The following MBP variants were observed in gnomAD, a reference collection of about 807,000 sequenced individuals.
The protein encoded by MBP is Golli-MBP.
In MBP, 16 loss-of-function variants were observed where a neutral mutation model predicts 35.8. The ratio of observed to expected loss-of-function variants is 0.45; its 90% CI spans 0.30 to 0.68. The LOEUF is 0.68. Ranked by LOEUF, MBP falls within the 30% of genes least tolerant of loss-of-function variation. MBP has a pLI of 0.08. For missense variants in MBP, 380 were observed against 404.7 expected (o/e 0.94, Z 0.52); for synonymous variants, 143 against 159.6 (o/e 0.90, Z 0.78).
At position 76,991,045 on chromosome 18, in the gene MBP, G is replaced by C. The variant is rs755459960; in HGVS notation, c.577-985C>G. On this transcript the variant is annotated intron_variant, in intron 4 of 8. Transcript: ENST00000355994. ...TCCCCAGGCTTCTGGGCTGAATACA[G>C]GAAAATGCTCGGGAAATACACACAG... The C allele has an allele frequency of 1.2e-4, 21 of 173,838 alleles. No homozygotes were observed. The Middle Eastern group carries it at 0.011, about 89-fold the overall frequency. 10.8% of individuals were successfully genotyped at this position (173,838 alleles called of 1,614,324 possible).
At chr18:77,090,357 G>A (rs1022111820) in intron 2 of MBP, among the ~76,000 whole-genome samples, 1 of 151,912 alleles carries the variant, frequency 6.6e-6, no homozygotes, top group Non-Finnish European at 1.5e-5. Context: ...TCACACTCAC[G>A]TGTCCATACC....
At chr18:77,001,897 A>G (rs1030673838) in intron 4 of MBP, among the ~76,000 whole-genome samples, 1 of 152,084 alleles carries the variant, frequency 6.6e-6, no homozygotes, top group Admixed American at 6.5e-5. Context: ...CTGCTCATCT[A>G]CACCCTCCCC....
At chr18:77,126,271 GAGTC>G (rs1346724963) in intron 1 of MBP, among the ~76,000 whole-genome samples, 5 of 152,210 alleles carry the variant, frequency 3.3e-5, no homozygotes, top group African/African-American at 9.6e-5. Flanking sequence ...CAGCATTAGA[GAGTC>G]AGTCAATCAA....
In MBP at chr18:77,028,917, C is replaced by T. The variant is rs1342390770; in HGVS notation, c.140-11649G>A. Among the ~76,000 whole-genome samples, 73 of 108,176 alleles carry T rather than the reference C, an allele frequency of 6.7e-4. 4 individuals carry two copies. The highest frequency in any genetic ancestry group is 1.1e-3 in the African/African-American group (41 of 35,946). The allele number at this position is 108,176 out of a possible 152,430, so 71.0% of individuals were successfully genotyped here. ...GGGATGGCGGCCGGGCAGAGACTCT[C>T]CTCACTTTCCAGACTGGGCAGCCAG... On this transcript the variant is annotated intron_variant, in intron 3 of 8. Coordinates refer to ENST00000355994, the MANE Select transcript of MBP (RefSeq NM_001025101.2).
At chr18:76,992,650 C>G (rs1751223357) in intron 4 of MBP, among the ~76,000 whole-genome samples, 1 of 152,206 alleles carries the variant, frequency 6.6e-6, no homozygotes, top group Non-Finnish European at 1.5e-5. Context: ...GCACCCAGAG[C>G]AGAGCAAGCT....
intron 3 of MBP, among the ~76,000 whole-genome samples, chr18:77,023,437 G>A (rs905446174): frequency 2.6e-5 from 4 of 152,016 alleles, no homozygotes; most frequent in African/African-American, 9.7e-5. Flanking sequence ...ACAACCCCCC[G>A]CTTCCTTTGC....
At chr18:77,091,778 CA>C (rs1975536953) in intron 2 of MBP, among the ~76,000 whole-genome samples, 1 of 151,814 alleles carries the variant, frequency 6.6e-6, no homozygotes, top group African/African-American at 2.4e-5. Context: ...ACACACACAC[CA>C]CACACACATC....
At chr18:77,018,718 A>G (rs1971821075) in intron 3 of MBP, among the ~76,000 whole-genome samples, 1 of 147,188 alleles carries the variant, frequency 6.8e-6, no homozygotes, top group South Asian at 2.2e-4. Context: ...ACATCCATTC[A>G]TCCATCCATC....
chr18:77,066,386 C>G lies in MBP; in HGVS notation c.52-1G>C, dbSNP rs1974200659. On this transcript the variant is annotated splice_acceptor_variant, in intron 2 of 8. Transcript: ENST00000355994. LOFTEE classifies it high-confidence loss of function. ...ATTCTCCTCTGTTAGTTTCACTATT[C>G]TGGAAAAAGAAAACACAACAAACCC... The G allele has an allele frequency of 1.3e-6, 2 of 1,598,042 alleles. No homozygotes were observed. The highest frequency in any genetic ancestry group is 8.6e-7 in the Non-Finnish European group (1 of 1,165,992).
chr18:77,121,323 T>A (rs199808584), intron 1 of MBP, among the ~76,000 whole-genome samples: 69 of 141,286 alleles, frequency 4.9e-4, no homozygotes, highest in African/African-American at 9.1e-4. Flanking sequence ...AAAAAAAAAA[T>A]AAATAAATAA....
intron 1 of MBP, among the ~76,000 whole-genome samples, chr18:77,125,657 A>T (rs1977023975): frequency 6.6e-6 from 1 of 152,182 alleles, no homozygotes; most frequent in Non-Finnish European, 1.5e-5. Flanking sequence ...CCATGTTGAT[A>T]CACAAAGTCT....
At chr18:77,105,120 G>A (rs1976219709) in intron 2 of MBP, 91 bp downstream of exon 2, 1 of 1,141,318 alleles carries the variant, frequency 8.8e-7, no homozygotes, top group South Asian at 1.3e-5. Context: ...GTAGCAGCAA[G>A]AGCCCATGCC....
chr18:76,998,422 G>T (rs1186467635), intron 4 of MBP, among the ~76,000 whole-genome samples: 4 of 152,302 alleles, frequency 2.6e-5, no homozygotes, highest in Non-Finnish European at 4.4e-5. Context: ...ACCCTTCCGG[G>T]GACTTCTGGG....
chr18:77,106,610 C>T (rs979917310), intron 1 of MBP, among the ~76,000 whole-genome samples: 6 of 152,094 alleles, frequency 3.9e-5, no homozygotes, highest in Non-Finnish European at 8.8e-5. Flanking sequence ...AGATTTAAAA[C>T]ACGTGTACTT....
In MBP at chr18:77,017,245, T is replaced by G; in HGVS notation, c.163A>C (p.Asn55His). ...VFGEADANQN[N>H]GTSSQDTAVT... ...GCTGTGTCCTGAGAGGAGGTCCCAT[T>G]GTTCTGGTTCGCATCTGCCTCTCCT... Residue 55 changes from asparagine to histidine, a missense_variant, in exon 4 of 9, where the codon AAT becomes CAT. Physicochemically the swap from Asn to His is moderately conservative, Grantham distance 68. Coordinates refer to ENST00000355994, the MANE Select transcript of MBP (RefSeq NM_001025101.2). 3.3e-6 allele frequency: 5 copies of G among 1,512,600 alleles called. No individual in the cohort carries two copies. Among genetic ancestry groups the G allele is most frequent in the Non-Finnish European group, 4.4e-6 (5 of 1,131,204 alleles). 93.7% of individuals were successfully genotyped at this position (1,512,600 alleles called of 1,614,324 possible).
At chr18:77,088,424 G>C (rs761712134) in intron 2 of MBP, among the ~76,000 whole-genome samples, 1 of 152,168 alleles carries the variant, frequency 6.6e-6, no homozygotes, top group African/African-American at 2.4e-5. Context: ...AGGTACCAAC[G>C]TATGACTGTT....
intron 3 of MBP, among the ~76,000 whole-genome samples, chr18:77,064,040 CA>C (rs1366582560): frequency 1.2e-4 from 18 of 152,064 alleles, no homozygotes; most frequent in Non-Finnish European, 2.2e-4. Flanking sequence ...TAGGCTTAGC[CA>C]AAATCATTCT....
chr18:77,036,742 C>T (rs1599117722), intron 3 of MBP, among the ~76,000 whole-genome samples: 1 of 134,336 alleles, frequency 7.4e-6, no homozygotes, highest in Middle Eastern at 5.4e-3. Flanking sequence ...GTGCTGGTCA[C>T]ATTTTGGAGA....
chr18:77,013,532 G>C, intron 4 of MBP: 1 of 985,408 alleles, frequency 1.0e-6, no homozygotes, highest in Non-Finnish European at 1.2e-6. Flanking sequence ...ACATTCTGAT[G>C]AATTTACAGG....
Sources: allele counts gnomAD v4.1 joint callset (sites outside exome capture counted in the v4.1 genomes callset), GRCh38; gene constraint gnomAD v4.1.1; transcripts MANE v1.5; gene names NCBI Gene and HGNC (gene_info 2026-07-23, HGNC 2026-07-21).